The following RPS6KL1 variants were observed in gnomAD, a reference collection of about 807,000 sequenced individuals.
RPS6KL1 encodes the protein ribosomal protein S6 kinase like 1, also known as ribosomal protein S6 kinase-like 1.
Under a neutral mutation model 57.0 loss-of-function variants are expected in RPS6KL1, and 41 were observed. That is an observed-to-expected ratio of 0.72 (90% CI 0.56 to 0.93). The LOEUF (loss-of-function observed/expected upper bound fraction) is 0.93. RPS6KL1 is among the 40% of genes least tolerant of loss of function. The pLI is 0.00. For synonymous variants in RPS6KL1, 287 were observed against 309.7 expected, an observed-to-expected ratio of 0.93 and a Z score of 0.77; for missense variants, 697 against 727.7, an observed-to-expected ratio of 0.96 and a Z score of 0.49.
At chr14:74,908,356 A>G (rs1356241962) in intron 10 of RPS6KL1, among the ~76,000 whole-genome samples, 6 of 152,118 alleles carry the variant, frequency 3.9e-5, no homozygotes, top group Non-Finnish European at 7.4e-5. Context: ...GCAACCTGCA[A>G]ACACAGGTTC....
rs537079155 is a variant in RPS6KL1, at chr14:74,906,409, TGG to T, written c.*603_*604del. 1,963 of 161,668 alleles carry T rather than the reference TGG, an allele frequency of 0.012. 62 individuals carry two copies. The highest frequency in any genetic ancestry group is 0.019 in the Non-Finnish European group (1,423 of 75,554). The allele number at this position is 161,668 out of a possible 1,614,324, so 10.0% of individuals were successfully genotyped here. A position where few individuals can be genotyped will look rare whatever the true frequency, so the allele number is the denominator to read the frequency against. On this transcript the variant is annotated 3_prime_UTR_variant, in exon 12 of 12. Transcript: ENST00000557413. Reference sequence around the variant, plus strand: ...AGGGGGCATGGTCAGGAATCGGGGGTGGGGGGGTGGGGGTGGGGGTCATCCTG... The same window carrying T: ...AGGGGGCATGGTCAGGAATCGGGGGTGGGGGTGGGGGTGGGGGTCATCCTG...
At chr14:74,917,453 A>C (rs1353905827) in intron 5 of RPS6KL1, among the ~76,000 whole-genome samples, 1 of 152,032 alleles carries the variant, frequency 6.6e-6, no homozygotes. Flanking sequence ...TACCAAAATC[A>C]CCCAGTGAGT....
Position 74,905,799 on chromosome 14 carries a change from G to T in RPS6KL1, c.*1215C>A, listed in dbSNP as rs2140225027. ...TCAAGTCTCCCCACCATGAGTGAGGGGTCTGGTCTGACAGTTGGGCCTTCA... is the reference window on the plus strand; with the variant it reads ...TCAAGTCTCCCCACCATGAGTGAGGTGTCTGGTCTGACAGTTGGGCCTTCA... On this transcript the variant is annotated 3_prime_UTR_variant, in exon 12 of 12. Transcript: ENST00000557413. 1 of 152,576 alleles carries T rather than the reference G, an allele frequency of 6.6e-6. No homozygotes were observed. The highest frequency in any genetic ancestry group is 1.9e-4 in the East Asian group (1 of 5,174). 9.5% of individuals were successfully genotyped at this position (152,576 alleles called of 1,614,324 possible). A position where few individuals can be genotyped will look rare whatever the true frequency, so the allele number is the denominator to read the frequency against.
chr14:74,921,442 G>A lies in RPS6KL1; in HGVS notation c.100C>T (p.Arg34Cys), dbSNP rs200840209. ...GGCACTCCCAGAGCCACCCTGTTGC[G>A]AATCTGCTCCAGGTACACGTGAGCT... is the stretch of plus-strand genomic sequence containing the variant. ...SQAHVYLEQI[R>C]NRVALGVPDM... Residue 34 changes from arginine (R) to cysteine (C), a missense_variant, in exon 3 of 12, where the codon CGC becomes TGC. By Grantham distance (180) the Arg-to-Cys change is radical. Coordinates refer to ENST00000557413, the MANE Select transcript of RPS6KL1 (RefSeq NM_031464.5). 27 of 1,614,252 alleles carry A rather than the reference G, an allele frequency of 1.7e-5. No homozygotes were observed. The highest frequency in any genetic ancestry group is 1.6e-4 in the Middle Eastern group (1 of 6,062).
In RPS6KL1 at chr14:74,922,245, G is replaced by A. The variant is rs1230524747; in HGVS notation, c.-288C>T. 1 of 985,860 alleles carries A rather than the reference G, an allele frequency of 1.0e-6. No individual in the cohort carries two copies. Among genetic ancestry groups the A allele is most frequent in the Non-Finnish European group, 1.2e-6 (1 of 830,348 alleles). 61.1% of individuals were successfully genotyped at this position (985,860 alleles called of 1,614,324 possible). A position where few individuals can be genotyped will look rare whatever the true frequency, so the allele number is the denominator to read the frequency against. ...ATCCAGTACGCATTCAGCACATGGA[G>A]GCCACACACGCTGGGCTCAAATGCT... On this transcript the variant is annotated 5_prime_UTR_variant, in exon 2 of 12. Coordinates refer to ENST00000557413, the MANE Select transcript of RPS6KL1 (RefSeq NM_031464.5).
At position 74,904,222 on chromosome 14, in the gene RPS6KL1, A is replaced by T. The variant is rs1884439684; in HGVS notation, c.*2792T>A. On this transcript the variant is annotated 3_prime_UTR_variant, in exon 12 of 12. Coordinates refer to ENST00000557413, the MANE Select transcript of RPS6KL1 (RefSeq NM_031464.5). ...TTTCTGATTGGCAATTGGTTGAAAG[A>T]GTTATTATCTAAAGACCTGGAATCA... 1 of 152,202 alleles carries T rather than the reference A, an allele frequency of 6.6e-6. No homozygotes were observed. The highest frequency in any genetic ancestry group is 6.5e-5 in the Admixed American group (1 of 15,286). 9.4% of individuals were successfully genotyped at this position (152,202 alleles called of 1,614,324 possible).
At chr14:74,907,183 C>T (rs1885042440) in intron 11 of RPS6KL1, 59 bp from the exon 12 acceptor site, 1 of 1,451,282 alleles carries the variant, frequency 6.9e-7, no homozygotes, top group African/African-American at 1.4e-5. Flanking sequence ...GGGGTGACCT[C>T]CAGGGACTCC....
Position 74,908,846 on chromosome 14 carries a change from T to C in RPS6KL1, c.1443+4A>G, listed in dbSNP as rs770704707. ...AGGGCACTACACCCAGCCCAGCCACTCACCATTCCCGTCAGCAGTTCATAC... is the reference window on the plus strand; with the variant it reads ...AGGGCACTACACCCAGCCCAGCCACCCACCATTCCCGTCAGCAGTTCATAC... On this transcript the variant is annotated splice_donor_region_variant and intron_variant, in intron 10 of 11. Transcript: ENST00000557413. 1 of 1,613,808 alleles carries C rather than the reference T, an allele frequency of 6.2e-7. No homozygotes were observed. Among genetic ancestry groups the C allele is most frequent in the Non-Finnish European group, 8.5e-7 (1 of 1,179,794 alleles).
At position 74,914,416 on chromosome 14, in the gene RPS6KL1, AG is replaced by A. The variant is rs1886519610; in HGVS notation, c.484-2576del. On this transcript the variant is annotated intron_variant, in intron 5 of 11. Coordinates refer to ENST00000557413, the MANE Select transcript of RPS6KL1 (RefSeq NM_031464.5). ...CAGAGTCCAAAAAAACTAGCGAAGG[AG>A]GGAAGGCTGAGGAGGCCAGAAATAA... Among the ~76,000 whole-genome samples the A allele has an allele frequency of 3.9e-5, 6 of 152,360 alleles. No homozygotes were observed. In the South Asian group the frequency reaches 1.0e-3, roughly 26 times the overall value.
chr14:74,923,143 T>G (rs1376703975), intron 1 of RPS6KL1, 37 bp downstream of exon 1: 1 of 151,948 alleles, frequency 6.6e-6, no homozygotes, highest in Non-Finnish European at 1.5e-5. Flanking sequence ...GCCCCTCGCC[T>G]GGGAGGGTGG....
rs1183938588 is a variant in RPS6KL1, at chr14:74,909,780, G to A, written c.1033C>T (p.Leu345Phe). The change falls in exon 8 of 12, where the codon CTC becomes TTC. Residue 345 changes from leucine to phenylalanine, a missense_variant. Leu to Phe is a conservative substitution (Grantham distance 22). Coordinates refer to ENST00000557413, the MANE Select transcript of RPS6KL1 (RefSeq NM_031464.5). ...CCGGCCCCCTCAGGAACCCAAGTGA[G>A]CCCCCGAGGGGGCCCAGCGTCTGAG... ...QNSDAGPPRG[L>F]TWVPEGAGPV... 2 of 1,605,698 alleles carry A rather than the reference G, an allele frequency of 1.2e-6. No homozygotes were observed. Among genetic ancestry groups the A allele is most frequent in the East Asian group, 2.2e-5 (1 of 44,780 alleles).
intron 3 of RPS6KL1, 39 bp downstream of exon 3, chr14:74,921,238 T>TGGCCCCCC: frequency 3.1e-5 from 26 of 840,156 alleles, no homozygotes; most frequent in Non-Finnish European, 3.9e-5. Flanking sequence ...CACTGGCCCT[T>TGGCCCCCC]CCCCACCCAC....
rs377588405 is a variant in RPS6KL1 at position 74,907,292 on chromosome 14, T to C, written c.1539+143A>G. ...TTGGTGGTGGTTGGCCACCAACATATAGAAATGTGTTGCCCCTACTGCCCT... is the reference window on the plus strand; with the variant it reads ...TTGGTGGTGGTTGGCCACCAACATACAGAAATGTGTTGCCCCTACTGCCCT... On this transcript the variant is annotated intron_variant, in intron 11 of 11. Coordinates refer to ENST00000557413, the MANE Select transcript of RPS6KL1 (RefSeq NM_031464.5). The C allele has an allele frequency of 1.4e-5, 20 of 1,424,114 alleles. No individual in the cohort carries two copies. In the Admixed American group the frequency reaches 2.0e-4, roughly 14 times the overall value. 88.2% of individuals were successfully genotyped at this position (1,424,114 alleles called of 1,614,324 possible).
At position 74,907,119 on chromosome 14, in the gene RPS6KL1, C is replaced by T; in HGVS notation, c.1545G>A (p.Leu515=). The change falls in exon 12 of 12, where the codon CTG becomes CTA. Residue 515 remains leucine (L), a synonymous_variant. Coordinates refer to ENST00000557413, the MANE Select transcript of RPS6KL1 (RefSeq NM_031464.5). ...RPAASLLTEL[L]QFEPTRRLGM... is the part of the protein sequence containing the mutation. ...CCAGGCGCCGGGTAGGCTCGAACTG[C>T]AGCAGCTGCAGAGAGAGGCCCAGTC... is the stretch of plus-strand genomic sequence containing the variant. The T allele has an allele frequency of 6.2e-7, 1 of 1,608,744 alleles. No homozygotes were observed. Among genetic ancestry groups the T allele is most frequent in the Non-Finnish European group, 8.5e-7 (1 of 1,177,384 alleles).
Position 74,911,807 on chromosome 14 carries a change from G to T in RPS6KL1, c.518C>A (p.Thr173Asn), listed in dbSNP as rs202025161. Residue 173 changes from threonine (T) to asparagine (N), a missense_variant, in exon 6 of 12, where the codon ACC (threonine) becomes AAC (asparagine). Thr to Asn is a moderately conservative substitution (Grantham distance 65). Coordinates refer to ENST00000557413, the MANE Select transcript of RPS6KL1 (RefSeq NM_031464.5). Reference sequence around the variant, plus strand: ...GGTGGCACCTGCCTTCACCACAAAGGTCCCTCCGGTTGCCGGGTCCTGGAC... The same window carrying T: ...GGTGGCACCTGCCTTCACCACAAAGTTCCCTCCGGTTGCCGGGTCCTGGAC... ...QLVQDPATGGTFVVKSLPRCH... is the reference protein window; with the variant it reads ...QLVQDPATGGNFVVKSLPRCH... 2.4e-5 allele frequency: 38 copies of T among 1,554,016 alleles called. No individual in the cohort carries two copies. The highest frequency in any genetic ancestry group is 7.3e-5 in the East Asian group (3 of 41,090).
intron 6 of RPS6KL1, 91 bp from the exon 7 acceptor site, chr14:74,911,471 G>A (rs1299842915): frequency 9.7e-6 from 14 of 1,444,408 alleles, no homozygotes; most frequent in African/African-American, 7.0e-5. Context: ...AGGGGCACCC[G>A]AATGAGGGTG....
Position 74,921,454 on chromosome 14 carries a change from G to A in RPS6KL1, c.88C>T (p.Leu30=), listed in dbSNP as rs151335941. 3.2e-4 allele frequency: 514 copies of A among 1,614,172 alleles called. 2 individuals carry two copies. In the African/African-American group the frequency reaches 6.2e-3, roughly 19 times the overall value. The change falls in exon 3 of 12, where the codon CTG becomes TTG. Residue 30 remains leucine (L), a synonymous_variant. Transcript: ENST00000557413. ...GCCACCCTGTTGCGAATCTGCTCCA[G>A]GTACACGTGAGCTTGGGACCGTGCT... is the stretch of plus-strand genomic sequence containing the variant. ...SRARSQAHVY[L]EQIRNRVALG...
Position 74,904,723 on chromosome 14 carries a change from T to C in RPS6KL1, c.*2291A>G, listed in dbSNP as rs1884497596. The stretch of plus-strand genomic sequence containing the variant: ...ATTTGGGAGGAGTGGGGGCATCTCA[T>C]TTCATTTGGATTTGATAGCCTTGTG... On this transcript the variant is annotated 3_prime_UTR_variant, in exon 12 of 12. Transcript: ENST00000557413. 6.6e-6 allele frequency: 1 copy of C among 152,182 alleles called. No individual in the cohort carries two copies. The highest frequency in any genetic ancestry group is 1.5e-5 in the Non-Finnish European group (1 of 68,038). The allele number at this position is 152,182 out of a possible 1,614,324, so 9.4% of individuals were successfully genotyped here.
chr14:74,909,251 G>C (rs1050327554), intron 8 of RPS6KL1, 61 bp from the exon 9 acceptor site: 6 of 1,513,952 alleles, frequency 4.0e-6, no homozygotes, highest in Middle Eastern at 1.7e-4. Flanking sequence ...CAGGGGAGGG[G>C]GTTGCAGGGC....
Sources: gnomAD v4.1 joint callset for allele counts (sites outside exome capture counted in the v4.1 genomes callset) on GRCh38, gnomAD v4.1.1 for gene constraint, MANE v1.5 for transcripts, NCBI Gene and HGNC (gene_info 2026-07-23, HGNC 2026-07-21) for gene names.